The following CNTNAP4 variants were observed in gnomAD, a reference collection of about 807,000 sequenced individuals.
CNTNAP4 encodes contactin-associated protein-like 4.
In CNTNAP4, 98 loss-of-function variants were observed where a neutral mutation model predicts 148.4. That is an observed-to-expected ratio of 0.66 (90% CI 0.56 to 0.78). CNTNAP4 has a LOEUF of 0.78. Ranked by LOEUF, CNTNAP4 falls within the 30% of genes least tolerant of loss-of-function variation. The pLI is 0.00. For missense variants in CNTNAP4, 1,935 were observed against 1,565.6 expected (o/e 1.24, Z -3.98); for synonymous variants, 730 against 565.1 (o/e 1.29, Z -4.14).
At chr16:76,514,514 C>T (rs1006916294) in intron 15 of CNTNAP4, among the ~76,000 whole-genome samples, 2 of 152,162 alleles carry the variant, frequency 1.3e-5, no homozygotes, top group African/African-American at 4.8e-5. Context: ...AAGTTCTGCT[C>T]TGCCTTCATA....
At chr16:76,360,255 A>G (rs1159874422) in intron 3 of CNTNAP4, among the ~76,000 whole-genome samples, 1 of 152,194 alleles carries the variant, frequency 6.6e-6, no homozygotes, top group African/African-American at 2.4e-5. Flanking sequence ...CAGAAGCACT[A>G]CCTGTCACAA....
At chr16:76,357,846 T>C (rs896720135) in intron 3 of CNTNAP4, among the ~76,000 whole-genome samples, 2 of 152,216 alleles carry the variant, frequency 1.3e-5, no homozygotes, top group Admixed American at 6.5e-5. Context: ...CCTATAGATA[T>C]TGAACTTCTT....
chr16:76,443,920 G>T (rs2080139077), intron 4 of CNTNAP4, among the ~76,000 whole-genome samples: 1 of 152,148 alleles, frequency 6.6e-6, no homozygotes, highest in South Asian at 2.1e-4. Context: ...TTGCTTTCTT[G>T]GTCATTGATG....
At chr16:76,378,177 T>C (rs1299737749) in intron 3 of CNTNAP4, among the ~76,000 whole-genome samples, 4 of 152,136 alleles carry the variant, frequency 2.6e-5, no homozygotes, top group Non-Finnish European at 4.4e-5. Context: ...ACCTATGGGA[T>C]ACAATGTACA....
chr16:76,535,924 A>G (rs1356864380), intron 18 of CNTNAP4, 140 bp downstream of exon 18: 4 of 833,684 alleles, frequency 4.8e-6, no homozygotes, highest in Non-Finnish European at 7.4e-6. Flanking sequence ...GTTGAATGTA[A>G]AGAATGAGTA....
chr16:76,293,180 A>G (rs987976348), intron 1 of CNTNAP4, among the ~76,000 whole-genome samples: 1 of 150,040 alleles, frequency 6.7e-6, no homozygotes, highest in African/African-American at 2.5e-5. Context: ...GCTGGAGTGC[A>G]GTGGTGCAAT....
chr16:76,416,941 C>T (rs1382114975), intron 3 of CNTNAP4, among the ~76,000 whole-genome samples: 4 of 151,384 alleles, frequency 2.6e-5, no homozygotes, highest in African/African-American at 9.7e-5. Flanking sequence ...AAATTGATCA[C>T]TTTGTCTTTA....
chr16:76,299,004 T>C (rs1396523679), intron 1 of CNTNAP4, among the ~76,000 whole-genome samples: 3 of 152,248 alleles, frequency 2.0e-5, no homozygotes, highest in African/African-American at 7.2e-5. Context: ...TCAAGATGGA[T>C]TAAAGACTTA....
chr16:76,545,065 TC>T (rs1210040187), intron 21 of CNTNAP4, among the ~76,000 whole-genome samples: 2 of 152,248 alleles, frequency 1.3e-5, no homozygotes, highest in South Asian at 4.1e-4. Flanking sequence ...GAAATAATTT[TC>T]AAAATAATGG....
At chr16:76,392,146 A>T (rs555683309) in intron 3 of CNTNAP4, among the ~76,000 whole-genome samples, 105 of 152,170 alleles carry the variant, frequency 6.9e-4, no homozygotes, top group Admixed American at 1.6e-3. Flanking sequence ...GGCTTGTGCC[A>T]CCACACCCAG....
intron 1 of CNTNAP4, among the ~76,000 whole-genome samples, chr16:76,294,913 C>G (rs972065692): frequency 1.3e-5 from 2 of 152,112 alleles, no homozygotes; most frequent in Admixed American, 1.3e-4. Flanking sequence ...CTTTTGTGAC[C>G]ACATTTTATG....
intron 3 of CNTNAP4, among the ~76,000 whole-genome samples, chr16:76,421,172 A>T (rs1005177151): frequency 6.6e-6 from 1 of 152,038 alleles, no homozygotes; most frequent in African/African-American, 2.4e-5. Context: ...TTGTATCTCC[A>T]TAGATTCTAA....
At chr16:76,552,946 C>A (rs2085020076) in intron 21 of CNTNAP4, among the ~76,000 whole-genome samples, 1 of 152,064 alleles carries the variant, frequency 6.6e-6, no homozygotes, top group African/African-American at 2.4e-5. Context: ...GACTACAAGC[C>A]CTATTGTAAA....
rs374564868 is a variant in CNTNAP4 at position 76,427,517 on chromosome 16, C to T, written c.456C>T (p.Ala152=). The change falls in exon 4 of 24, where the codon GCC becomes GCT. Residue 152 remains alanine, a synonymous_variant. Transcript: ENST00000611870. ...VYYRLQPSIK[A]RFLRFIPLEW... ...ATAGACTCCAGCCTTCTATCAAAGC[C>T]AGATTTCTGCGCTTCATCCCTTTGG... 1 of 1,613,236 alleles carries T rather than the reference C, an allele frequency of 6.2e-7. No individual in the cohort carries two copies. Among genetic ancestry groups the T allele is most frequent in the South Asian group, 1.1e-5 (1 of 90,964 alleles).
Position 76,514,619 on chromosome 16 carries a change from G to T in CNTNAP4, c.2366-6521G>T, listed in dbSNP as rs182669998. ...GTGTTTATGGAAACATCTATGAACAGCTTTGTTCTCTTTTATATTGCTCTG... is the reference window on the plus strand; with the variant it reads ...GTGTTTATGGAAACATCTATGAACATCTTTGTTCTCTTTTATATTGCTCTG... On this transcript the variant is annotated intron_variant, in intron 15 of 23. Coordinates refer to ENST00000611870, the MANE Select transcript of CNTNAP4 (RefSeq NM_033401.5). Among the ~76,000 whole-genome samples, 4 of 152,230 alleles carry T rather than the reference G, an allele frequency of 2.6e-5. No homozygotes were observed. The East Asian group carries it at 5.8e-4, about 22-fold the overall frequency.
intron 1 of CNTNAP4, 131 bp from the exon 2 acceptor site, chr16:76,316,282 T>C: frequency 1.4e-6 from 1 of 719,426 alleles, no homozygotes. Flanking sequence ...CTGGAAGTAG[T>C]AGGCATATTT....
chr16:76,293,028 T>G (rs1597099265), intron 1 of CNTNAP4, among the ~76,000 whole-genome samples: 1 of 152,342 alleles, frequency 6.6e-6, no homozygotes, highest in East Asian at 1.9e-4. Context: ...AGGCCACGTT[T>G]TACCTCACTC....
At chr16:76,431,123 T>G (rs76658769) in intron 4 of CNTNAP4, among the ~76,000 whole-genome samples, 2 of 152,168 alleles carry the variant, frequency 1.3e-5, no homozygotes, top group Non-Finnish European at 2.9e-5. Context: ...TAAGAAAGTT[T>G]ATAGCAGTAG....
intron 1 of CNTNAP4, among the ~76,000 whole-genome samples, chr16:76,286,176 T>A (rs1342355380): frequency 4.1e-5 from 2 of 49,074 alleles, no homozygotes; most frequent in African/African-American, 1.2e-4. Context: ...GAATTATCAG[T>A]GTGTGTGTGT....
Sources: allele counts gnomAD v4.1 joint callset (sites outside exome capture counted in the v4.1 genomes callset), GRCh38; gene constraint gnomAD v4.1.1; transcripts MANE v1.5; gene names NCBI Gene and HGNC (gene_info 2026-07-23, HGNC 2026-07-21).